Variants in NPEPPS observed in about 807,000 individuals in gnomAD.
The protein encoded by NPEPPS is aminopeptidase puromycin sensitive.
NPEPPS carries 14 observed loss-of-function variants against 115.5 expected under a neutral mutation model. The ratio of observed to expected loss-of-function variants is 0.12; its 90% confidence interval spans 0.08 to 0.19. NPEPPS has a LOEUF of 0.19. Among genes scored for constraint, NPEPPS ranks in the 10% least tolerant of loss-of-function variants. The pLI, the probability that NPEPPS is intolerant of heterozygous loss-of-function variation, is 1.00. For synonymous variants in NPEPPS, 285 were observed against 390.6 expected, an observed-to-expected ratio of 0.73 and a Z score of 3.19; for missense variants, 523 against 1,110.8, an observed-to-expected ratio of 0.47 and a Z score of 7.52.
chr17:47,610,572 T>C (rs185751542), intron 17 of NPEPPS, among the ~76,000 whole-genome samples: 1 of 151,920 alleles, frequency 6.6e-6, no homozygotes, highest in Admixed American at 6.6e-5. Flanking sequence ...TTAGTAGACA[T>C]GGGGTTTCAC....
rs1347773145 is a variant in NPEPPS at position 47,537,833 on chromosome 17, ATC to A, written c.255+6283_255+6284del. ...TTAAATACTGAACTTTATTTTGAACATCTCTCATTGACCCCAAACTATGTACT... is the reference window on the plus strand; with the variant it reads ...TTAAATACTGAACTTTATTTTGAACATCTCATTGACCCCAAACTATGTACT... On this transcript the variant is annotated intron_variant, in intron 1 of 22. Transcript: ENST00000322157. Among the ~76,000 whole-genome samples the A allele has an allele frequency of 4.6e-5, 7 of 151,244 alleles. No homozygotes were observed. The South Asian group carries it at 1.5e-3, about 32-fold the overall frequency.
intron 2 of NPEPPS, among the ~76,000 whole-genome samples, chr17:47,550,811 G>T (rs977685719): frequency 2.6e-5 from 4 of 151,742 alleles, no homozygotes; most frequent in African/African-American, 9.7e-5. Flanking sequence ...ATTTTTAGTA[G>T]AGACAGGGTT....
intron 2 of NPEPPS, among the ~76,000 whole-genome samples, chr17:47,552,043 G>A (rs975643580): frequency 7.7e-6 from 1 of 130,156 alleles, no homozygotes; most frequent in African/African-American, 2.7e-5. Flanking sequence ...CACAGTCGTG[G>A]CTTACTGCAG....
intron 2 of NPEPPS, among the ~76,000 whole-genome samples, chr17:47,567,778 C>T (rs1188901850): frequency 6.6e-6 from 1 of 151,940 alleles, no homozygotes; most frequent in East Asian, 1.9e-4. Context: ...AAATATGTGG[C>T]TGGTTTCTTA....
At chr17:47,533,368 G>A (rs1250578627) in intron 1 of NPEPPS, among the ~76,000 whole-genome samples, 1 of 151,912 alleles carries the variant, frequency 6.6e-6, no homozygotes, top group Non-Finnish European at 1.5e-5. Flanking sequence ...CTTAAGCCAA[G>A]TGACTAGAGT....
intron 1 of NPEPPS, among the ~76,000 whole-genome samples, chr17:47,545,491 CG>C (rs1344352349): frequency 6.6e-6 from 1 of 151,694 alleles, no homozygotes; most frequent in East Asian, 1.9e-4. Context: ...TAGGTTTTAG[CG>C]AAGTCTGGAT....
chr17:47,590,475 A>G (rs980136607), intron 9 of NPEPPS, among the ~76,000 whole-genome samples: 12 of 151,516 alleles, frequency 7.9e-5, no homozygotes, highest in Admixed American at 6.6e-4. Flanking sequence ...AAAAAAGAAA[A>G]GAAAGGAAAA....
intron 12 of NPEPPS, among the ~76,000 whole-genome samples, chr17:47,594,440 C>T (rs1490115768): frequency 8.8e-5 from 12 of 136,744 alleles, no homozygotes; most frequent in Admixed American, 2.3e-4. Context: ...GACAGAGTTT[C>T]GCTCTTGTTG....
In NPEPPS at chr17:47,584,445, G is replaced by A. The variant is rs1295691162; in HGVS notation, c.649-1055G>A. ...TGTTGTCTAGGACTGTCTTGTGTGGGGAACTTGGAAAAACCTGCTGCACCT... is the reference window on the plus strand; with the variant it reads ...TGTTGTCTAGGACTGTCTTGTGTGGAGAACTTGGAAAAACCTGCTGCACCT... On this transcript the variant is annotated intron_variant, in intron 5 of 22. Coordinates refer to ENST00000322157, the MANE Select transcript of NPEPPS (RefSeq NM_006310.4). 4.6e-5 allele frequency among the ~76,000 whole-genome samples: 7 copies of A among 152,172 alleles called. No individual in the cohort carries two copies. The East Asian group carries it at 1.3e-3, about 29-fold the overall frequency.
At chr17:47,618,257 A>T (rs1914335031) in intron 19 of NPEPPS, 93 bp from the exon 20 acceptor site, 2 of 756,838 alleles carry the variant, frequency 2.6e-6, no homozygotes, top group Admixed American at 5.0e-5. Context: ...ATAGAACCTA[A>T]GTTTTACCTT....
chr17:47,565,163 C>A (rs1403022877), intron 2 of NPEPPS, among the ~76,000 whole-genome samples: 2 of 152,100 alleles, frequency 1.3e-5, no homozygotes, highest in Non-Finnish European at 2.9e-5. Context: ...TGTAAAATCA[C>A]AAGAGGGTAT....
intron 17 of NPEPPS, among the ~76,000 whole-genome samples, chr17:47,610,170 C>CCCA (rs1181129566): frequency 6.7e-6 from 1 of 149,466 alleles, no homozygotes; most frequent in Non-Finnish European, 1.5e-5. Context: ...TCAGCCCCAC[C>CCCA]CCACCCCCCC....
At chr17:47,526,937 G>A (rs1259950480), upstream of NPEPPS, among the ~76,000 whole-genome samples, 2 of 151,862 alleles carry the variant, frequency 1.3e-5, no homozygotes, top group African/African-American at 2.4e-5. Flanking sequence ...CAGCCTGGGC[G>A]GCAGAGCGAG....
intron 1 of NPEPPS, among the ~76,000 whole-genome samples, chr17:47,539,529 G>A (rs201108659): frequency 2.7e-5 from 1 of 37,328 alleles, no homozygotes; most frequent in African/African-American, 7.0e-5. Context: ...TGCTTTTTTT[G>A]GGGGGGGAAT....
chr17:47,577,821 C>T (rs1911612427), intron 3 of NPEPPS, among the ~76,000 whole-genome samples: 1 of 152,144 alleles, frequency 6.6e-6, no homozygotes. Flanking sequence ...TTCACTTATT[C>T]TGTAGACTCG....
intron 2 of NPEPPS, among the ~76,000 whole-genome samples, chr17:47,553,371 A>G (rs1324863010): frequency 6.8e-6 from 1 of 147,250 alleles, no homozygotes; most frequent in Non-Finnish European, 1.5e-5. Flanking sequence ...CTTCTACTCA[A>G]AAAAAAAAAA....
intron 1 of NPEPPS, among the ~76,000 whole-genome samples, chr17:47,536,244 T>C (rs969554262): frequency 2.0e-5 from 3 of 152,110 alleles, no homozygotes; most frequent in Non-Finnish European, 4.4e-5. Flanking sequence ...TAACAAAATA[T>C]ACATGTTGGA....
At chr17:47,572,352 T>G (rs1238732528) in intron 3 of NPEPPS, among the ~76,000 whole-genome samples, 4 of 152,084 alleles carry the variant, frequency 2.6e-5, no homozygotes, top group African/African-American at 9.7e-5. Context: ...AAGCCCAAAG[T>G]CACTGGGGTA....
intron 15 of NPEPPS, among the ~76,000 whole-genome samples, chr17:47,603,102 C>G (rs1436496205): frequency 2.0e-5 from 3 of 152,224 alleles, no homozygotes; most frequent in Admixed American, 2.0e-4. Context: ...TATTTTTTGG[C>G]TATTGGTAAA....
Sources: gnomAD v4.1 joint callset for allele counts (sites outside exome capture counted in the v4.1 genomes callset) on GRCh38, gnomAD v4.1.1 for gene constraint, MANE v1.5 for transcripts, NCBI Gene and HGNC (gene_info 2026-07-23, HGNC 2026-07-21) for gene names.